The following CHD7 variants were observed in gnomAD, a reference collection of about 807,000 sequenced individuals.
CHD7 encodes chromodomain helicase DNA binding protein 7.
In CHD7, 24 loss-of-function variants were observed where a neutral mutation model predicts 307.3. The observed-to-expected ratio is 0.08, with a 90% CI of 0.06 to 0.11. CHD7 has a LOEUF of 0.11. Among genes scored for constraint, CHD7 ranks in the 10% least tolerant of loss-of-function variants. The pLI, the probability that CHD7 is intolerant of heterozygous loss-of-function variation, is 1.00. For synonymous variants in CHD7, 1,363 were observed against 1,349.9 expected (o/e 1.01, Z -0.21); for missense variants, 3,106 against 3,727.1 (o/e 0.83, Z 4.34).
chr8:60,687,011 G>T (rs1179718149), intron 1 of CHD7, among the ~76,000 whole-genome samples: 4 of 152,284 alleles, frequency 2.6e-5, no homozygotes, highest in African/African-American at 9.6e-5. Flanking sequence ...TAATTCCTGA[G>T]CTCAAAGGCT....
At chr8:60,734,388 G>A (rs1808602715) in intron 1 of CHD7, among the ~76,000 whole-genome samples, 1 of 152,212 alleles carries the variant, frequency 6.6e-6, no homozygotes, top group African/African-American at 2.4e-5. Context: ...ACATGGCAAG[G>A]CTCCAGTCGC....
Position 60,780,989 on chromosome 8 carries a change from G to A in CHD7, c.1666-11G>A. The stretch of plus-strand genomic sequence containing the variant: ...GATAAACTAATTTCAATTCCTATTT[G>A]TGTCTCTCAGCATTCCCCGTCGGAG... On this transcript the variant is annotated splice_polypyrimidine_tract_variant and intron_variant, in intron 2 of 37. Coordinates refer to ENST00000423902, the MANE Select transcript of CHD7 (RefSeq NM_017780.4). 1 of 1,525,798 alleles carries A rather than the reference G, an allele frequency of 6.6e-7. No homozygotes were observed. Among genetic ancestry groups the A allele is most frequent in the Non-Finnish European group, 8.8e-7 (1 of 1,142,356 alleles). The allele number at this position is 1,525,798 out of a possible 1,614,324, so 94.5% of individuals were successfully genotyped here.
At chr8:60,734,239 T>C (rs1284624995) in intron 1 of CHD7, among the ~76,000 whole-genome samples, 1 of 152,152 alleles carries the variant, frequency 6.6e-6, no homozygotes, top group Admixed American at 6.5e-5. Flanking sequence ...TCCCAAACTT[T>C]CACATGCACA....
At chr8:60,780,675 T>A (rs552649023) in intron 2 of CHD7, among the ~76,000 whole-genome samples, 2 of 152,350 alleles carry the variant, frequency 1.3e-5, no homozygotes, top group South Asian at 4.1e-4. Context: ...GTCTTGGTGC[T>A]GTTTTGCCAT....
intron 1 of CHD7, among the ~76,000 whole-genome samples, chr8:60,721,090 G>A (rs982257293): frequency 6.6e-6 from 1 of 152,086 alleles, no homozygotes. Context: ...ATGGAGCCTG[G>A]GCATTTTCCT....
At chr8:60,815,518 C>T (rs960285718) in intron 7 of CHD7, among the ~76,000 whole-genome samples, 1 of 152,016 alleles carries the variant, frequency 6.6e-6, no homozygotes. Context: ...GTCAGAGTTG[C>T]CATAAAACAT....
intron 19 of CHD7, among the ~76,000 whole-genome samples, chr8:60,839,438 A>G (rs1804875695): frequency 6.6e-6 from 1 of 152,172 alleles, no homozygotes; most frequent in Non-Finnish European, 1.5e-5. Flanking sequence ...TCTCTTGGGT[A>G]TATACCAGGA....
At chr8:60,755,825 A>G (rs918380546) in intron 2 of CHD7, among the ~76,000 whole-genome samples, 1 of 152,238 alleles carries the variant, frequency 6.6e-6, no homozygotes, top group Non-Finnish European at 1.5e-5. Flanking sequence ...ACTGAAATGT[A>G]TCAGAAAGTA....
At chr8:60,839,825 A>T (rs567470539) in intron 19 of CHD7, among the ~76,000 whole-genome samples, 1 of 152,142 alleles carries the variant, frequency 6.6e-6, no homozygotes, top group Non-Finnish European at 1.5e-5. Flanking sequence ...TTCTGTATGA[A>T]GGTTCTGTAT....
At chr8:60,845,839 C>T (rs1481646237) in intron 23 of CHD7, among the ~76,000 whole-genome samples, 2 of 152,346 alleles carry the variant, frequency 1.3e-5, no homozygotes, top group South Asian at 2.1e-4. Flanking sequence ...TGAAATGTTT[C>T]CATCTTCCCA....
intron 3 of CHD7, among the ~76,000 whole-genome samples, chr8:60,783,865 T>C (rs1373819084): frequency 6.6e-6 from 1 of 152,018 alleles, no homozygotes; most frequent in Non-Finnish European, 1.5e-5. Flanking sequence ...CAATGAAGGG[T>C]GGTAAGGACA....
intron 1 of CHD7, among the ~76,000 whole-genome samples, chr8:60,693,193 C>T (rs895227930): frequency 6.6e-6 from 1 of 152,202 alleles, no homozygotes; most frequent in African/African-American, 2.4e-5. Flanking sequence ...CGCGACACCC[C>T]CTTGGCGGTC....
chr8:60,829,081 A>G (rs1804382791), intron 14 of CHD7, among the ~76,000 whole-genome samples: 1 of 152,186 alleles, frequency 6.6e-6, no homozygotes, highest in South Asian at 2.1e-4. Flanking sequence ...TGTGCTGTGC[A>G]GGTTGGTAGT....
At chr8:60,738,450 C>T (rs1013009119) in intron 1 of CHD7, among the ~76,000 whole-genome samples, 1 of 152,098 alleles carries the variant, frequency 6.6e-6, no homozygotes, top group Non-Finnish European at 1.5e-5. Flanking sequence ...CATCTAGACA[C>T]AGAAAATCTA....
At chr8:60,800,959 A>G (rs1812282931) in intron 5 of CHD7, among the ~76,000 whole-genome samples, 1 of 152,232 alleles carries the variant, frequency 6.6e-6, no homozygotes, top group Non-Finnish European at 1.5e-5. Context: ...TCTCTGTGCA[A>G]TGTAAATGAT....
At position 60,853,325 on chromosome 8, in the gene CHD7, G is replaced by T; in HGVS notation, c.6600G>T (p.Gly2200=). The part of the protein sequence containing the change: ...KEEEEETDGS[G]KESKQECEAE... ...AGGAAGAAGAAACCGATGGCAGCGG[G>T]AAGGAGAGCAAGCAGGAATGTGAGG... The change falls in exon 31 of 38, where the codon GGG becomes GGT. Residue 2200 remains glycine (G), a synonymous_variant. Transcript: ENST00000423902. 1.9e-6 allele frequency: 3 copies of T among 1,599,792 alleles called. No homozygotes were observed. In the East Asian group the frequency reaches 6.7e-5, roughly 36 times the overall value.
chr8:60,750,215 A>G (rs1490711022), intron 2 of CHD7, among the ~76,000 whole-genome samples: 3 of 152,228 alleles, frequency 2.0e-5, no homozygotes, highest in East Asian at 3.8e-4. Context: ...AGGTGTCCCA[A>G]TTGATATTCT....
At chr8:60,781,760 A>G (rs1184295580) in intron 3 of CHD7, among the ~76,000 whole-genome samples, 1 of 152,210 alleles carries the variant, frequency 6.6e-6, no homozygotes, top group Admixed American at 6.5e-5. Context: ...CCTCATTTTC[A>G]GTGATGATAT....
At chr8:60,723,991 A>G (rs1808047794) in intron 1 of CHD7, among the ~76,000 whole-genome samples, 2 of 152,208 alleles carry the variant, frequency 1.3e-5, no homozygotes, top group African/African-American at 4.8e-5. Flanking sequence ...TCTGCCACTG[A>G]CTGGCTGGGT....
Sources: gnomAD v4.1 joint callset for allele counts (sites outside exome capture counted in the v4.1 genomes callset) on GRCh38, gnomAD v4.1.1 for gene constraint, MANE v1.5 for transcripts, NCBI Gene and HGNC (gene_info 2026-07-23, HGNC 2026-07-21) for gene names.